The following DRG1 variants were observed in gnomAD, a reference collection of about 807,000 sequenced individuals.
The protein encoded by DRG1 is developmentally regulated GTP binding protein 1, also known as developmentally-regulated GTP-binding protein 1.
A neutral mutation model predicts 38.8 loss-of-function variants in DRG1; 19 were observed. The observed-to-expected ratio is 0.49, with a 90% CI of 0.34 to 0.72. DRG1 has a LOEUF of 0.72. Among genes scored for constraint, DRG1 ranks in the 30% least tolerant of loss-of-function variants. DRG1 has a pLI of 0.01. For missense variants in DRG1, 299 were observed against 444.8 expected (o/e 0.67, Z 2.95); for synonymous variants, 167 against 157.5 (o/e 1.06, Z -0.45).
intron 8 of DRG1, among the ~76,000 whole-genome samples, chr22:31,428,904 T>C (rs984125455): frequency 2.0e-5 from 3 of 152,240 alleles, no homozygotes; most frequent in African/African-American, 7.2e-5. Flanking sequence ...TATGTTCTTC[T>C]CAATGTATCA....
At chr22:31,422,256 AC>A (rs2050081175) in intron 5 of DRG1, among the ~76,000 whole-genome samples, 2 of 152,122 alleles carry the variant, frequency 1.3e-5, no homozygotes, top group South Asian at 4.1e-4. Context: ...ACATGGCAAA[AC>A]CCTGTCTGTA....
chr22:31,399,743 C>T lies in DRG1; in HGVS notation c.42+18C>T. 1.9e-6 allele frequency: 3 copies of T among 1,613,928 alleles called. No homozygotes were observed. The highest frequency in any genetic ancestry group is 2.5e-6 in the Non-Finnish European group (3 of 1,179,838). On this transcript the variant is annotated intron_variant, in intron 1 of 8. Coordinates refer to ENST00000331457, the MANE Select transcript of DRG1 (RefSeq NM_004147.4). Reference sequence around the variant, plus strand: ...AAGCAGAGGTAATGGACGCAGCTGGCGGTTCACTCTTAGTCTGAGCATTCC... The same window carrying T: ...AAGCAGAGGTAATGGACGCAGCTGGTGGTTCACTCTTAGTCTGAGCATTCC...
intron 4 of DRG1, among the ~76,000 whole-genome samples, chr22:31,416,517 G>A (rs2050045101): frequency 6.6e-6 from 1 of 151,650 alleles, no homozygotes; most frequent in Non-Finnish European, 1.5e-5. Context: ...CACTTTGGGA[G>A]GCCAAGGTGG....
At chr22:31,412,500 G>A (rs1433382386) in intron 4 of DRG1, among the ~76,000 whole-genome samples, 1 of 150,464 alleles carries the variant, frequency 6.6e-6, no homozygotes, top group African/African-American at 2.4e-5. Context: ...ACAGGCGCCC[G>A]CCACCATGCA....
intron 8 of DRG1, 141 bp from the exon 9 acceptor site, chr22:31,433,731 T>G: frequency 1.6e-6 from 1 of 632,344 alleles, no homozygotes; most frequent in Non-Finnish European, 2.7e-6. Context: ...TGTCTCATGC[T>G]GCTAGGGAAG....
chr22:31,415,595 C>T (rs2050040330), intron 4 of DRG1, among the ~76,000 whole-genome samples: 1 of 152,172 alleles, frequency 6.6e-6, no homozygotes, highest in South Asian at 2.1e-4. Flanking sequence ...CTCCTCACCT[C>T]AAGTGATCCG....
intron 3 of DRG1, among the ~76,000 whole-genome samples, chr22:31,409,273 C>T (rs565288899): frequency 2.4e-4 from 37 of 151,972 alleles, no homozygotes; most frequent in Admixed American, 4.6e-4. Context: ...TTTGTACAGA[C>T]GGGGTTTCAC....
At chr22:31,399,762 G>A (rs1308254658) in intron 1 of DRG1, 37 bp downstream of exon 1, 1 of 1,613,836 alleles carries the variant, frequency 6.2e-7, no homozygotes, top group African/African-American at 1.3e-5. Flanking sequence ...CTTAGTCTGA[G>A]CATTCCTTCT....
chr22:31,415,301 A>G (rs924996784), intron 4 of DRG1, among the ~76,000 whole-genome samples: 2 of 152,198 alleles, frequency 1.3e-5, no homozygotes, highest in African/African-American at 4.8e-5. Context: ...ACTAGTAACT[A>G]CTGTATTGCA....
intron 2 of DRG1, among the ~76,000 whole-genome samples, 192 bp from the exon 3 acceptor site, chr22:31,402,833 TCAAA>T (rs2049970700): frequency 6.6e-6 from 1 of 152,082 alleles, no homozygotes; most frequent in Non-Finnish European, 1.5e-5. Flanking sequence ...TTTTTTTATA[TCAAA>T]CACTGCATTG....
At chr22:31,418,893 G>T (rs1475297781) in intron 4 of DRG1, among the ~76,000 whole-genome samples, 1 of 152,112 alleles carries the variant, frequency 6.6e-6, no homozygotes, top group Non-Finnish European at 1.5e-5. Flanking sequence ...ATGTTGGCCG[G>T]GATGGTCTCA....
intron 4 of DRG1, among the ~76,000 whole-genome samples, chr22:31,417,203 C>T (rs950970699): frequency 6.6e-6 from 1 of 151,806 alleles, no homozygotes; most frequent in Admixed American, 6.6e-5. Context: ...AACCCCGTCT[C>T]TGCTAAAAAT....
chr22:31,411,181 A>AACTATGCCCTTCACTGT, intron 4 of DRG1, 100 bp downstream of exon 4: 1 of 1,263,796 alleles, frequency 7.9e-7, no homozygotes, highest in Non-Finnish European at 1.1e-6. Context: ...ACCACAGTGA[A>AACTATGCCCTTCACTGT]GGGCATAGTT....
intron 4 of DRG1, among the ~76,000 whole-genome samples, chr22:31,411,438 G>A (rs1009926806): frequency 6.6e-6 from 1 of 151,938 alleles, no homozygotes; most frequent in African/African-American, 2.4e-5. Context: ...CCTAGAGGCA[G>A]TGTCTACTTT....
intron 3 of DRG1, among the ~76,000 whole-genome samples, chr22:31,407,332 T>G (rs1364780064): frequency 1.3e-5 from 2 of 152,002 alleles, no homozygotes; most frequent in East Asian, 3.8e-4. Flanking sequence ...CAGTTATTAT[T>G]GTACTTTTGC....
intron 8 of DRG1, among the ~76,000 whole-genome samples, chr22:31,431,146 T>C (rs1018548281): frequency 6.7e-6 from 1 of 149,058 alleles, no homozygotes. Flanking sequence ...GCCATTCTCC[T>C]GCCTCAGCCT....
chr22:31,415,197 C>T, intron 4 of DRG1, among the ~76,000 whole-genome samples: 1 of 152,270 alleles, frequency 6.6e-6, no homozygotes. Flanking sequence ...CTACTAGTTA[C>T]ATGTGACTAA....
At chr22:31,411,480 A>G (rs911355487) in intron 4 of DRG1, among the ~76,000 whole-genome samples, 3 of 150,806 alleles carry the variant, frequency 2.0e-5, no homozygotes, top group East Asian at 1.9e-4. Context: ...ACATTCTTTA[A>G]TAACTTCCCC....
chr22:31,414,603 TG>T (rs1324354245), intron 4 of DRG1, among the ~76,000 whole-genome samples: 10 of 152,096 alleles, frequency 6.6e-5, no homozygotes, highest in Non-Finnish European at 1.5e-5. Flanking sequence ...TCTACTGTGT[TG>T]TTATATCCAG....
Sources: gnomAD v4.1 joint callset for allele counts (sites outside exome capture counted in the v4.1 genomes callset) on GRCh38, gnomAD v4.1.1 for gene constraint, MANE v1.5 for transcripts, NCBI Gene and HGNC (gene_info 2026-07-23, HGNC 2026-07-21) for gene names.